HAP1: variants seen among roughly 807,000 people sequenced by gnomAD.
HAP1 encodes the protein huntingtin-associated protein 1.
A neutral mutation model predicts 60.3 loss-of-function variants in HAP1; 59 were observed. That is an observed-to-expected ratio of 0.98 (90% CI 0.79 to 1.22). The LOEUF (loss-of-function observed/expected upper bound fraction) is 1.22. HAP1 is among the 50% of genes most tolerant of loss of function. The pLI is 0.00. For synonymous variants in HAP1, 346 were observed against 330.6 expected (o/e 1.05, Z -0.50); for missense variants, 825 against 785.3 (o/e 1.05, Z -0.60).
At chr17:41,731,858 C>G in intron 4 of HAP1, 79 bp downstream of exon 4, 1 of 830,110 alleles carries the variant, frequency 1.2e-6, no homozygotes, top group South Asian at 1.5e-5. Flanking sequence ...CCAGCAAGCA[C>G]ATCACCTGTG....
At chr17:41,733,376 T>TTTA (rs1488293614) in intron 1 of HAP1, among the ~76,000 whole-genome samples, 2 of 134,564 alleles carry the variant, frequency 1.5e-5, no homozygotes, top group Admixed American at 7.4e-5. Flanking sequence ...TTTTTTTTTT[T>TTTA]ACCCCTGGAG....
At chr17:41,730,893 G>T (rs534803756) in intron 6 of HAP1, among the ~76,000 whole-genome samples, 1 of 145,910 alleles carries the variant, frequency 6.9e-6, no homozygotes, top group African/African-American at 2.6e-5. Context: ...AATAAGAGAA[G>T]ACAGGCTTGG....
intron 8 of HAP1, chr17:41,727,531 G>A: frequency 1.4e-6 from 1 of 729,754 alleles, no homozygotes; most frequent in Non-Finnish European, 2.5e-6. Flanking sequence ...CCAGGTTCTG[G>A]ACTCCAAGTG....
rs5001708 is a variant in HAP1, at chr17:41,724,321, G to A, written c.*380C>T. ...TGTCCTCCAGCCTGGGTCAGCCCCC[G>A]GGCTGCTCCACCATCCCACCCACCG... On this transcript the variant is annotated 3_prime_UTR_variant, in exon 11 of 11. Transcript: ENST00000347901. 127,442 of 167,724 alleles carry A rather than the reference G, an allele frequency of 0.76. 50,530 individuals are homozygous for A. The highest frequency in any genetic ancestry group is 0.91 in the Middle Eastern group (303 of 332). The allele number at this position is 167,724 out of a possible 1,614,324, so 10.4% of individuals were successfully genotyped here.
intron 1 of HAP1, among the ~76,000 whole-genome samples, chr17:41,733,029 T>G (rs72833788): frequency 0.066 from 2,367 of 35,892 alleles, 105 homozygotes; most frequent in African/African-American, 0.18. Context: ...GGTTTTTGGG[T>G]TTTTTTTGGT....
chr17:41,733,242 G>A (rs1467484609), intron 1 of HAP1, among the ~76,000 whole-genome samples: 2 of 151,044 alleles, frequency 1.3e-5, no homozygotes, highest in Non-Finnish European at 3.0e-5. Flanking sequence ...AGTAGAGACG[G>A]GGTTTCACCA....
chr17:41,732,097 C>A lies in HAP1; in HGVS notation c.736G>T (p.Val246Leu). Residue 246 changes from valine to leucine, a missense_variant, in exon 4 of 11, where the codon GTG becomes TTG. Val to Leu is a conservative substitution (Grantham distance 32, BLOSUM62 1). Coordinates refer to ENST00000347901, the MANE Select transcript of HAP1 (RefSeq NM_177977.3). ...KEEILYLRHQVNLRDELLQLY... is the reference protein window; with the variant it reads ...KEEILYLRHQLNLRDELLQLY... ...TGGAGGAGCTCATCCCGCAAGTTCA[C>A]CTGGTGTCTGAGGTATAAAATCTGG... The A allele has an allele frequency of 6.2e-7, 1 of 1,613,988 alleles. No individual in the cohort carries two copies. Among genetic ancestry groups the A allele is most frequent in the Non-Finnish European group, 8.5e-7 (1 of 1,179,896 alleles).
At position 41,734,214 on chromosome 17, in the gene HAP1, C is replaced by T. The variant is rs1555591934; in HGVS notation, c.421G>A (p.Gly141Arg). The change falls in exon 1 of 11, where the codon GGG becomes AGG. Residue 141 changes from glycine (G) to arginine (R), a missense_variant. Coordinates refer to ENST00000347901, the MANE Select transcript of HAP1 (RefSeq NM_177977.3). The part of the protein sequence containing the change: ...TPAAYVGRRP[G>R]VSGPERAAFI... ...GCGGCGCGCTCAGGGCCGGACACCC[C>T]GGGTCGCCGGCCAACGTAGGCGGCT... 4 of 1,598,988 alleles carry T rather than the reference C, an allele frequency of 2.5e-6. No homozygotes were observed. In the South Asian group the frequency reaches 3.3e-5, roughly 13 times the overall value.
chr17:41,734,306 T>C lies in HAP1; in HGVS notation c.329A>G (p.Gln110Arg). The C allele has an allele frequency of 6.2e-7, 1 of 1,609,224 alleles. No homozygotes were observed. The highest frequency in any genetic ancestry group is 8.5e-7 in the Non-Finnish European group (1 of 1,177,676). The change falls in exon 1 of 11, where the codon CAA becomes CGA. Residue 110 changes from glutamine to arginine, a missense_variant. Physicochemically the swap from Gln to Arg is conservative, Grantham distance 43 (BLOSUM62 1). Coordinates refer to ENST00000347901, the MANE Select transcript of HAP1 (RefSeq NM_177977.3). The stretch of plus-strand genomic sequence containing the variant: ...AGTGGCCCGGGAACCAAACGGCCCT[T>C]GGAATACGAAGCGGGTCCACGGCGC... ...SDAPWTRFVF[Q>R]GPFGSRATGR...
In HAP1 at chr17:41,727,844, G is replaced by A. The variant is rs782428901; in HGVS notation, c.1201-8C>T. 1.1e-5 allele frequency: 17 copies of A among 1,573,680 alleles called. No individual in the cohort carries two copies. In the East Asian group the frequency reaches 3.6e-4, roughly 33 times the overall value. On this transcript the variant is annotated splice_region_variant and splice_polypyrimidine_tract_variant and intron_variant, in intron 7 of 10. Coordinates refer to ENST00000347901, the MANE Select transcript of HAP1 (RefSeq NM_177977.3). ...TTCAGTCTCAGCCCCATACTGGAAG[G>A]ACCCAAAACCAGTGAACCCCCATCT...
In HAP1 at chr17:41,725,044, T is replaced by C. The variant is rs1911516208; in HGVS notation, c.1517A>G (p.Glu506Gly). 5.0e-6 allele frequency: 8 copies of C among 1,612,396 alleles called. 1 individual carries two copies. The East Asian group carries it at 1.8e-4, about 36-fold the overall frequency. Residue 506 changes from glutamate (E) to glycine (G), a missense_variant, in exon 11 of 11, where the codon GAG becomes GGG. Coordinates refer to ENST00000347901, the MANE Select transcript of HAP1 (RefSeq NM_177977.3). ...IMRGEDFTPAEEFVPQEELGA... is the reference protein window; with the variant it reads ...IMRGEDFTPAGEFVPQEELGA... ...CAGCTCCTCCTGGGGCACGAACTCCTCCGCAGGCGTGAAATCTTCCCCCCG... is the reference window on the plus strand; with the variant it reads ...CAGCTCCTCCTGGGGCACGAACTCCCCCGCAGGCGTGAAATCTTCCCCCCG...
chr17:41,731,074 C>A (rs1912156957), intron 6 of HAP1, among the ~76,000 whole-genome samples: 1 of 152,080 alleles, frequency 6.6e-6, no homozygotes, highest in African/African-American at 2.4e-5. Context: ...CTGCATCTGG[C>A]TAATTTTTGT....
At chr17:41,729,642 A>G (rs1555590043) in intron 6 of HAP1, among the ~76,000 whole-genome samples, 1 of 140,582 alleles carries the variant, frequency 7.1e-6, no homozygotes, top group African/African-American at 2.7e-5. Context: ...GCGGGAGGCC[A>G]AGGCGGGAGG....
At chr17:41,732,596 C>T (rs1912306773) in intron 2 of HAP1, 123 bp downstream of exon 2, 1 of 992,860 alleles carries the variant, frequency 1.0e-6, no homozygotes, top group Middle Eastern at 2.1e-4. Flanking sequence ...GACCTGTCTT[C>T]CATAAGAAGG....
intron 1 of HAP1, 36 bp downstream of exon 1, chr17:41,734,130 C>G: frequency 6.6e-7 from 1 of 1,516,156 alleles, no homozygotes; most frequent in South Asian, 1.3e-5. Flanking sequence ...TTGCCCCAGT[C>G]CCCACCCGGT....
intron 6 of HAP1, among the ~76,000 whole-genome samples, chr17:41,729,746 C>A (rs1373688235): frequency 6.7e-6 from 1 of 149,198 alleles, no homozygotes; most frequent in Non-Finnish European, 1.5e-5. Flanking sequence ...CACGGTAGCA[C>A]AGGCCTGTAA....
In HAP1 at chr17:41,732,138, G is replaced by A. The variant is rs1555591251; in HGVS notation, c.715-20C>T. 1.9e-6 allele frequency: 3 copies of A among 1,612,946 alleles called. No homozygotes were observed. Among genetic ancestry groups the A allele is most frequent in the Non-Finnish European group, 1.7e-6 (2 of 1,179,164 alleles). On this transcript the variant is annotated intron_variant, in intron 3 of 10. Coordinates refer to ENST00000347901, the MANE Select transcript of HAP1 (RefSeq NM_177977.3). ...TAAAATCTGGCAGGAAGAGAGAGGA[G>A]CCATGGGTTGGGAGTGGGCAGGGAC...
chr17:41,718,754 A>G (rs1597728788), downstream of HAP1, among the ~76,000 whole-genome samples: 1 of 152,182 alleles, frequency 6.6e-6, no homozygotes, highest in East Asian at 1.9e-4. Flanking sequence ...TGAAATTGTC[A>G]TTCTGTGTCC....
At position 41,723,147 on chromosome 17, in the gene HAP1, C is replaced by G. The variant is rs1911327744; in HGVS notation, c.*1554G>C. 6.6e-6 allele frequency: 1 copy of G among 152,320 alleles called. No homozygotes were observed. The allele number at this position is 152,320 out of a possible 1,614,324, so 9.4% of individuals were successfully genotyped here. ...CTGCCGGTGGAAGCTGGGCCCTGTT[C>G]CCTGCTCAGGGCTGAGTCTGGTAGC... On this transcript the variant is annotated 3_prime_UTR_variant, in exon 11 of 11. Coordinates refer to ENST00000347901, the MANE Select transcript of HAP1 (RefSeq NM_177977.3).
Sources: allele counts gnomAD v4.1 joint callset (sites outside exome capture counted in the v4.1 genomes callset), GRCh38; gene constraint gnomAD v4.1.1; transcripts MANE v1.5; gene names NCBI Gene and HGNC (gene_info 2026-07-23, HGNC 2026-07-21).